GCC2: variants seen among roughly 807,000 people sequenced by gnomAD.
The protein encoded by GCC2 is GRIP and coiled-coil domain-containing protein 2.
GCC2 carries 120 observed loss-of-function variants against 210.6 expected under a neutral mutation model. That is an observed-to-expected ratio of 0.57 (90% confidence interval 0.49 to 0.66). The LOEUF (loss-of-function observed/expected upper bound fraction) is 0.66, where lower values mean the gene tolerates loss of function less well. Ranked by LOEUF, GCC2 falls within the 30% of genes least tolerant of loss-of-function variation. GCC2 has a pLI of 0.00. For missense variants in GCC2, 1,868 were observed against 1,871.9 expected, an observed-to-expected ratio of 1.00 and a Z score of 0.04; for synonymous variants, 703 against 652.7, an observed-to-expected ratio of 1.08 and a Z score of -1.17.
At position 108,471,393 on chromosome 2, in the gene GCC2, GTC is replaced by G. The variant is rs2104452059; in HGVS notation, c.2068_2069del (p.Tyr691Ter). On this transcript the variant is annotated frameshift_variant, in exon 6 of 23. Coordinates refer to ENST00000309863, the MANE Select transcript of GCC2 (RefSeq NM_181453.4). LOFTEE classifies it high-confidence loss of function. ...DKEVLSAEVKSLYEENNKLSS... is the reference protein window; with the variant it reads ...DKEVLSAEVKXLYEENNKLSS... ...AAGAAGTATTGTCAGCTGAAGTGAA[GTC>G]TCTTTATGAGGAAAACAATAAACTC... 1.2e-6 allele frequency: 2 copies of G among 1,606,954 alleles called. No individual in the cohort carries two copies. Among genetic ancestry groups the G allele is most frequent in the Admixed American group, 1.7e-5 (1 of 58,468 alleles).
In GCC2 at chr2:108,469,026, C is replaced by G; in HGVS notation, c.263C>G (p.Thr88Ser). Residue 88 changes from threonine to serine, a missense_variant, in exon 5 of 23, where the codon ACT becomes AGT. By Grantham distance (58) the Thr-to-Ser change is moderately conservative. Coordinates refer to ENST00000309863, the MANE Select transcript of GCC2 (RefSeq NM_181453.4). ...LDALLLEKAE[T>S]EQQCLSLKKE... ...GCTCTTCTTCTGGAAAAAGCAGAGA[C>G]TGAGCAACAGTGTCTTTCTCTGAAA... 1 of 1,613,088 alleles carries G rather than the reference C, an allele frequency of 6.2e-7. No individual in the cohort carries two copies. Among genetic ancestry groups the G allele is most frequent in the Non-Finnish European group, 8.5e-7 (1 of 1,179,230 alleles).
intron 4 of GCC2, among the ~76,000 whole-genome samples, chr2:108,459,240 C>T (rs1467899092): frequency 6.6e-6 from 1 of 151,902 alleles, no homozygotes; most frequent in Non-Finnish European, 1.5e-5. Context: ...CCTTATTGAC[C>T]CATGGTCATT....
intron 3 of GCC2, among the ~76,000 whole-genome samples, chr2:108,451,643 T>G (rs1354452928): frequency 3.3e-5 from 5 of 152,120 alleles, no homozygotes; most frequent in Admixed American, 3.3e-4. Flanking sequence ...CTCTTGAATT[T>G]CCAGTGACTT....
chr2:108,498,497 T>G (rs1682761183), intron 21 of GCC2, among the ~76,000 whole-genome samples: 1 of 152,106 alleles, frequency 6.6e-6, no homozygotes, highest in Non-Finnish European at 1.5e-5. Context: ...CCTGGCCAAA[T>G]GTTATATTTT....
At chr2:108,482,116 T>C (rs1209355118) in intron 10 of GCC2, among the ~76,000 whole-genome samples, 171 bp from the exon 11 acceptor site, 1 of 152,218 alleles carries the variant, frequency 6.6e-6, no homozygotes, top group Non-Finnish European at 1.5e-5. Flanking sequence ...CATATTAGTA[T>C]TTCAATGACA....
chr2:108,502,624 C>G (rs1682977557), intron 22 of GCC2, among the ~76,000 whole-genome samples: 1 of 144,626 alleles, frequency 6.9e-6, no homozygotes, highest in African/African-American at 2.6e-5. Flanking sequence ...ACCTTACATT[C>G]TCTCTTAAAG....
intron 4 of GCC2, among the ~76,000 whole-genome samples, chr2:108,455,469 A>G (rs1320097957): frequency 6.6e-6 from 1 of 152,100 alleles, no homozygotes; most frequent in Non-Finnish European, 1.5e-5. Context: ...CAAGTTAGCC[A>G]ACTTTACCTT....
chr2:108,494,491 T>A (rs1682550082), intron 19 of GCC2: 2 of 152,148 alleles, frequency 1.3e-5, no homozygotes, highest in Non-Finnish European at 2.9e-5. Flanking sequence ...ACTGTAGGTG[T>A]GAGCAGCAAC....
At chr2:108,466,007 G>A (rs1181798585) in intron 4 of GCC2, among the ~76,000 whole-genome samples, 1 of 152,060 alleles carries the variant, frequency 6.6e-6, no homozygotes, top group Non-Finnish European at 1.5e-5. Context: ...GTATCTCACT[G>A]TGGCTTTAAG....
intron 4 of GCC2, among the ~76,000 whole-genome samples, chr2:108,457,296 A>G (rs1417021989): frequency 1.3e-5 from 2 of 152,176 alleles, no homozygotes; most frequent in South Asian, 4.1e-4. Flanking sequence ...TCGGTTGTGT[A>G]TAAATATGAG....
At chr2:108,449,856 C>T (rs2104394675) in intron 2 of GCC2, 167 bp downstream of exon 2, 2 of 594,582 alleles carry the variant, frequency 3.4e-6, no homozygotes, top group East Asian at 5.7e-5. Flanking sequence ...GTTTCTCCCC[C>T]GCCCACCCCG....
chr2:108,502,729 C>T (rs1682983252), intron 22 of GCC2, among the ~76,000 whole-genome samples: 1 of 151,970 alleles, frequency 6.6e-6, no homozygotes, highest in African/African-American at 2.4e-5. Context: ...TCTAGACCAG[C>T]CTGGCCAACA....
chr2:108,470,756 CAATTTT>C lies in GCC2; in HGVS notation c.1430_1435del (p.Ile477_Leu478del). 6.2e-7 allele frequency: 1 copy of C among 1,613,358 alleles called. No individual in the cohort carries two copies. The highest frequency in any genetic ancestry group is 8.5e-7 in the Non-Finnish European group (1 of 1,179,798). ...AACCTACAGCAAGAAAAGCAAGAAG[CAATTTT>C]AAATTATGAGAGTTTACGAGAGATT... On this transcript the variant is annotated inframe_deletion, in exon 6 of 23. Coordinates refer to ENST00000309863, the MANE Select transcript of GCC2 (RefSeq NM_181453.4).
chr2:108,506,664 A>C (rs192225985), intron 22 of GCC2, among the ~76,000 whole-genome samples: 3,824 of 152,284 alleles, frequency 0.025, 67 homozygotes, highest in African/African-American at 0.033. Context: ...TTTAAGGTTT[A>C]CCATAAATCT....
At chr2:108,457,779 T>C (rs1680348560) in intron 4 of GCC2, among the ~76,000 whole-genome samples, 1 of 152,242 alleles carries the variant, frequency 6.6e-6, no homozygotes, top group Non-Finnish European at 1.5e-5. Context: ...ATAGAAATGC[T>C]ACTGGTTTTT....
rs1679993656 is a variant in GCC2 at position 108,452,423 on chromosome 2, TC to T, written c.174del (p.Arg59AspfsTer16). The T allele has an allele frequency of 6.5e-7, 1 of 1,549,730 alleles. No individual in the cohort carries two copies. ...CTELEKEIEE[L>X]RSKPVTEGTG... ...GAATTGGAGAAAGAAATTGAAGAACTCAGATCAAAACCTGTTACTGAAGGAA... is the reference window on the plus strand; with the variant it reads ...GAATTGGAGAAAGAAATTGAAGAACTAGATCAAAACCTGTTACTGAAGGAA... On this transcript the variant is annotated frameshift_variant, in exon 4 of 23. Coordinates refer to ENST00000309863, the MANE Select transcript of GCC2 (RefSeq NM_181453.4). LOFTEE classifies it high-confidence loss of function.
At chr2:108,494,501 C>T (rs1345239130) in intron 19 of GCC2, 1 of 152,182 alleles carries the variant, frequency 6.6e-6, no homozygotes, top group Non-Finnish European at 1.5e-5. Context: ...TGAGCAGCAA[C>T]AATTAAGAAG....
rs1681155697 is a variant in GCC2, at chr2:108,470,724, G to A, written c.1395G>A (p.Gln465=). 1 of 1,612,688 alleles carries A rather than the reference G, an allele frequency of 6.2e-7. No individual in the cohort carries two copies. Among genetic ancestry groups the A allele is most frequent in the African/African-American group, 1.3e-5 (1 of 74,782 alleles). Reference sequence around the variant, plus strand: ...TTGAAATACAGGGTCTTAAGGAACAGTGTGAAAACCTACAGCAAGAAAAGC... The same window carrying A: ...TTGAAATACAGGGTCTTAAGGAACAATGTGAAAACCTACAGCAAGAAAAGC... ...LMFEIQGLKE[Q]CENLQQEKQE... Residue 465 remains glutamine, a synonymous_variant, in exon 6 of 23, where the codon CAG becomes CAA. Transcript: ENST00000309863.
intron 4 of GCC2, among the ~76,000 whole-genome samples, chr2:108,462,900 T>G (rs1680684927): frequency 1.3e-5 from 2 of 150,678 alleles, no homozygotes; most frequent in South Asian, 4.2e-4. Flanking sequence ...TACCCTTATT[T>G]TTTTTTTTGA....
Sources: allele counts gnomAD v4.1 joint callset (sites outside exome capture counted in the v4.1 genomes callset), GRCh38; gene constraint gnomAD v4.1.1; transcripts MANE v1.5; gene names NCBI Gene and HGNC (gene_info 2026-07-23, HGNC 2026-07-21).